The following PTPRB variants were observed in gnomAD, a reference collection of about 807,000 sequenced individuals.
PTPRB encodes receptor-type tyrosine-protein phosphatase beta.
Under a neutral mutation model 238.1 loss-of-function variants are expected in PTPRB, and 97 were observed. That is an observed-to-expected ratio of 0.41 (90% confidence interval 0.35 to 0.48). PTPRB has a LOEUF of 0.48. Among genes scored for constraint, PTPRB ranks in the 20% least tolerant of loss-of-function variants. The pLI, the probability that PTPRB is intolerant of heterozygous loss-of-function variation, is 0.30. For missense variants in PTPRB, 2,292 were observed against 2,681.9 expected (o/e 0.85, Z 3.21); for synonymous variants, 970 against 995.4 (o/e 0.97, Z 0.48).
intron 2 of PTPRB, among the ~76,000 whole-genome samples, chr12:70,626,369 T>TATCTTCCTGCCTG (rs1885198395): frequency 8.0e-6 from 1 of 124,434 alleles, no homozygotes; most frequent in Non-Finnish European, 1.6e-5. Context: ...CTATCTATAT[T>TATCTTCCTGCCTG]CCTGCCTGCC....
chr12:70,594,584 C>T lies in PTPRB; in HGVS notation c.1399G>A (p.Asp467Asn). 2 of 1,613,990 alleles carry T rather than the reference C, an allele frequency of 1.2e-6. No individual in the cohort carries two copies. Among genetic ancestry groups the T allele is most frequent in the Non-Finnish European group, 1.7e-6 (2 of 1,179,890 alleles). Reference sequence around the variant, plus strand: ...AAAGCATAGGAAGTAGCATGTTTGTCCACAACACCGCCATGAACTAGGATC... The same window carrying T: ...AAAGCATAGGAAGTAGCATGTTTGTTCACAACACCGCCATGAACTAGGATC... ...KGILVHGGVV[D>N]KHATSYAFHG... Residue 467 changes from aspartate (D) to asparagine (N), a missense_variant, in exon 6 of 34, where the codon GAC becomes AAC. Asp to Asn is a conservative substitution (Grantham distance 23, BLOSUM62 1). Coordinates refer to ENST00000334414, the MANE Select transcript of PTPRB (RefSeq NM_001109754.4).
intron 3 of PTPRB, chr12:70,609,759 A>C (rs1884284768): frequency 1.3e-6 from 2 of 1,578,760 alleles, no homozygotes; most frequent in African/African-American, 1.4e-5. Context: ...CGGGCCACTC[A>C]CCTGCAGCAG....
intron 12 of PTPRB, 124 bp downstream of exon 12, chr12:70,571,700 C>G: frequency 9.0e-7 from 1 of 1,117,216 alleles, no homozygotes; most frequent in East Asian, 2.5e-5. Flanking sequence ...GATGTTAGCA[C>G]CAAGTGAGAC....
At chr12:70,561,537 G>A (rs1281946007) in intron 16 of PTPRB, among the ~76,000 whole-genome samples, 1 of 152,144 alleles carries the variant, frequency 6.6e-6, no homozygotes, top group African/African-American at 2.4e-5. Flanking sequence ...GCATTAATGA[G>A]CAGGTAAGGA....
At chr12:70,598,858 C>T (rs1172459761) in intron 4 of PTPRB, among the ~76,000 whole-genome samples, 8 of 152,080 alleles carry the variant, frequency 5.3e-5, no homozygotes, top group Non-Finnish European at 8.8e-5. Context: ...TTTAAGGTTG[C>T]GTGTCTAGAG....
At chr12:70,557,868 A>G (rs1044483452) in intron 18 of PTPRB, among the ~76,000 whole-genome samples, 1 of 152,168 alleles carries the variant, frequency 6.6e-6, no homozygotes, top group African/African-American at 2.4e-5. Flanking sequence ...CTCTGAGGAG[A>G]CAGGACAGGG....
At chr12:70,576,684 A>G (rs757420718) in intron 10 of PTPRB, 39 bp from the exon 11 acceptor site, 2,402 of 29,678 alleles carry the variant, frequency 0.081, 1 homozygote, top group South Asian at 0.11. Flanking sequence ...GGGGGGGGGA[A>G]GGGGGATTCA....
At chr12:70,555,848 G>A (rs1399529692) in intron 19 of PTPRB, 22 bp downstream of exon 19, 1 of 1,609,434 alleles carries the variant, frequency 6.2e-7, no homozygotes, top group East Asian at 2.2e-5. Flanking sequence ...GAGGCTCTGT[G>A]CGCACCTCCA....
At chr12:70,577,123 A>G (rs758064814) in intron 10 of PTPRB, among the ~76,000 whole-genome samples, 13 of 152,170 alleles carry the variant, frequency 8.5e-5, no homozygotes, top group Non-Finnish European at 1.5e-4. Context: ...GATAGCTTCA[A>G]TTTTTTTGTG....
intron 7 of PTPRB, 74 bp from the exon 8 acceptor site, chr12:70,590,307 C>T: frequency 7.0e-7 from 1 of 1,426,788 alleles, no homozygotes; most frequent in Non-Finnish European, 9.4e-7. Context: ...TTTTCTTGGG[C>T]AGCAGTAGAT....
intron 21 of PTPRB, among the ~76,000 whole-genome samples, chr12:70,548,354 A>T (rs879904794): frequency 0.29 from 34,894 of 118,890 alleles, 4,601 homozygotes; most frequent in East Asian, 0.42. Flanking sequence ...TCTCACACAC[A>T]CACACACACA....
At chr12:70,631,241 A>G (rs965708557) in intron 2 of PTPRB, among the ~76,000 whole-genome samples, 3 of 152,152 alleles carry the variant, frequency 2.0e-5, no homozygotes, top group Non-Finnish European at 2.9e-5. Context: ...ATATAGACCA[A>G]TGGAACCGAA....
At chr12:70,522,428 C>A (rs1871755276) in intron 33 of PTPRB, 1 of 152,192 alleles carries the variant, frequency 6.6e-6, no homozygotes, top group African/African-American at 2.4e-5. Flanking sequence ...CCAGAGCCAC[C>A]AGTGAGACAA....
At chr12:70,538,281 T>C in intron 27 of PTPRB, 50 bp from the exon 28 acceptor site, 1 of 1,498,934 alleles carries the variant, frequency 6.7e-7, no homozygotes, top group Non-Finnish European at 9.2e-7. Flanking sequence ...TTCTACAGTT[T>C]ATGTGATGTG....
At chr12:70,581,479 G>C (rs1881389994) in intron 9 of PTPRB, among the ~76,000 whole-genome samples, 177 bp from the exon 10 acceptor site, 1 of 152,114 alleles carries the variant, frequency 6.6e-6, no homozygotes, top group Non-Finnish European at 1.5e-5. Context: ...CTCTAGAGAG[G>C]CTCTAGTACT....
At position 70,538,934 on chromosome 12, in the gene PTPRB, ATTG is replaced by A. The variant is rs769469935; in HGVS notation, c.5856_5858del (p.Asn1953del). ...TGACACAAAACTTACAGGGCAATAT[ATTG>A]TTGTATCGATTTTTCCCTCTATTCT... is the stretch of plus-strand genomic sequence containing the variant. On this transcript the variant is annotated inframe_deletion, in exon 27 of 34. Coordinates refer to ENST00000334414, the MANE Select transcript of PTPRB (RefSeq NM_001109754.4). 3.5e-5 allele frequency: 57 copies of A among 1,612,326 alleles called. No individual in the cohort carries two copies. The highest frequency in any genetic ancestry group is 1.2e-4 in the Admixed American group (7 of 59,942).
At chr12:70,634,928 A>C (rs1236680041) in intron 2 of PTPRB, among the ~76,000 whole-genome samples, 1 of 152,206 alleles carries the variant, frequency 6.6e-6, no homozygotes, top group Non-Finnish European at 1.5e-5. Flanking sequence ...TAAATACACA[A>C]TTGCATGATT....
chr12:70,597,966 C>G (rs1235986995), intron 4 of PTPRB, among the ~76,000 whole-genome samples: 2 of 152,126 alleles, frequency 1.3e-5, no homozygotes, highest in Non-Finnish European at 1.5e-5. Context: ...ATTATATATG[C>G]CACATTTATA....
chr12:70,580,154 G>A (rs962652273), intron 10 of PTPRB, among the ~76,000 whole-genome samples: 4 of 151,800 alleles, frequency 2.6e-5, no homozygotes, highest in African/African-American at 9.7e-5. Context: ...TCGGTGCCAT[G>A]GCTCCCTGAC....
Sources: gnomAD v4.1 joint callset for allele counts (sites outside exome capture counted in the v4.1 genomes callset) on GRCh38, gnomAD v4.1.1 for gene constraint, MANE v1.5 for transcripts, NCBI Gene and HGNC (gene_info 2026-07-23, HGNC 2026-07-21) for gene names.